The following VPS13C variants were observed in gnomAD, a reference collection of about 807,000 sequenced individuals.
VPS13C encodes intermembrane lipid transfer protein VPS13C.
In VPS13C, 358 loss-of-function variants were observed where a neutral mutation model predicts 456.8. The ratio of observed to expected loss-of-function variants is 0.78; its 90% CI spans 0.72 to 0.86. VPS13C has a LOEUF of 0.86. Ranked by LOEUF, VPS13C falls within the 40% of genes least tolerant of loss-of-function variation. The pLI, the probability that VPS13C is intolerant of heterozygous loss-of-function variation, is 0.00. For synonymous variants in VPS13C, 1,578 were observed against 1,486.7 expected (o/e 1.06, Z -1.41); for missense variants, 4,818 against 4,385.4 (o/e 1.10, Z -2.79).
At chr15:61,900,785 A>T (rs964304148) in intron 66 of VPS13C, among the ~76,000 whole-genome samples, 2 of 151,868 alleles carry the variant, frequency 1.3e-5, no homozygotes, top group African/African-American at 4.8e-5. Flanking sequence ...GAACCAAAAA[A>T]GAGCCCGCAT....
chr15:61,855,043 C>CT (rs1407962444), intron 83 of VPS13C, 89 bp from the exon 84 acceptor site: 2 of 1,047,840 alleles, frequency 1.9e-6, no homozygotes, highest in Non-Finnish European at 1.4e-6. Context: ...AATGTCAACT[C>CT]TATCTTATAA....
intron 82 of VPS13C, 30 bp from the exon 83 acceptor site, chr15:61,856,439 A>C (rs964190532): frequency 6.2e-7 from 1 of 1,609,636 alleles, no homozygotes; most frequent in African/African-American, 1.3e-5. Flanking sequence ...AAAAACTTAC[A>C]GTAAATGATG....
At position 61,854,184 on chromosome 15, in the gene VPS13C, T is replaced by G. The variant is rs567676664; in HGVS notation, c.*273A>C. On this transcript the variant is annotated 3_prime_UTR_variant, in exon 85 of 85. Transcript: ENST00000644861. ...CTTTGCTTCACAATTTTAATATTAATGAAAATTTCATTCTGAGTTTGAAGT... is the reference window on the plus strand; with the variant it reads ...CTTTGCTTCACAATTTTAATATTAAGGAAAATTTCATTCTGAGTTTGAAGT... 1 of 463,194 alleles carries G rather than the reference T, an allele frequency of 2.2e-6. No homozygotes were observed. The highest frequency in any genetic ancestry group is 1.9e-5 in the African/African-American group (1 of 52,210). The allele number at this position is 463,194 out of a possible 1,614,324, so 28.7% of individuals were successfully genotyped here.
At chr15:61,894,274 C>T (rs2042737412) in intron 66 of VPS13C, among the ~76,000 whole-genome samples, 1 of 151,798 alleles carries the variant, frequency 6.6e-6, no homozygotes, top group East Asian at 1.9e-4. Flanking sequence ...CACCACTGCA[C>T]TCCAGCCAGG....
intron 66 of VPS13C, among the ~76,000 whole-genome samples, chr15:61,901,179 C>T (rs2042984451): frequency 6.6e-6 from 1 of 151,758 alleles, no homozygotes; most frequent in Non-Finnish European, 1.5e-5. Context: ...CTAGACATTA[C>T]CATTCAGGAC....
chr15:61,890,491 T>A, intron 66 of VPS13C, 91 bp from the exon 67 acceptor site: 1 of 1,104,366 alleles, frequency 9.1e-7, no homozygotes, highest in Non-Finnish European at 1.3e-6. Flanking sequence ...TAGAAAAGTT[T>A]AAGAAGCACT....
At chr15:62,012,557 T>C (rs915091362) in intron 11 of VPS13C, among the ~76,000 whole-genome samples, 2 of 151,964 alleles carry the variant, frequency 1.3e-5, no homozygotes, top group Admixed American at 1.3e-4. Context: ...ATTGAATTGT[T>C]CTTTCTTTAA....
At position 62,033,545 on chromosome 15, in the gene VPS13C, A is replaced by G. The variant is rs766007457; in HGVS notation, c.284-3T>C. The G allele has an allele frequency of 6.4e-7, 1 of 1,554,664 alleles. No individual in the cohort carries two copies. The highest frequency in any genetic ancestry group is 1.8e-5 in the Admixed American group (1 of 54,156). ...TTTTACAGCATCATACTTAATACCT[A>G]AAAATATACAGTCAATTCACACAAA... On this transcript the variant is annotated splice_polypyrimidine_tract_variant and splice_region_variant and intron_variant, in intron 4 of 84. Coordinates refer to ENST00000644861, the MANE Select transcript of VPS13C (RefSeq NM_020821.3).
At position 61,927,169 on chromosome 15, in the gene VPS13C, C is replaced by G. The variant is rs1407134068; in HGVS notation, c.6438G>C (p.Met2146Ile). ...LSLSTSKLEQ[M>I]MEASVRDLKV... is the part of the protein sequence containing the mutation. ...TCAGATCTCTCACAGAAGCTTCCAT[C>G]ATCTGTTCGAGTTTGGATGTTGACA... The change falls in exon 52 of 85, where the codon ATG (methionine) becomes ATC (isoleucine). Residue 2146 changes from methionine to isoleucine, a missense_variant. Met to Ile is a conservative substitution (Grantham distance 10). Transcript: ENST00000644861. 6.2e-7 allele frequency: 1 copy of G among 1,614,188 alleles called. No individual in the cohort carries two copies. The highest frequency in any genetic ancestry group is 1.1e-5 in the South Asian group (1 of 91,080).
chr15:61,928,800 G>A (rs1265711411), intron 51 of VPS13C, among the ~76,000 whole-genome samples: 1 of 151,462 alleles, frequency 6.6e-6, no homozygotes, highest in African/African-American at 2.4e-5. Context: ...AACTGCTTGA[G>A]CCCACCTCAG....
chr15:61,991,235 T>C (rs948914829), intron 17 of VPS13C, 141 bp from the exon 18 acceptor site: 25 of 630,978 alleles, frequency 4.0e-5, no homozygotes, highest in Non-Finnish European at 5.9e-5. Flanking sequence ...TCCTCTAATA[T>C]ACTACAACTT....
chr15:61,951,726 T>C (rs2044800941), intron 39 of VPS13C, 98 bp downstream of exon 39: 13 of 1,301,416 alleles, frequency 1.0e-5, no homozygotes, highest in Non-Finnish European at 1.3e-5. Flanking sequence ...ACTAGGAAAT[T>C]AACACAATTG....
chr15:62,005,686 T>G (rs992365808), intron 15 of VPS13C, among the ~76,000 whole-genome samples: 1 of 151,878 alleles, frequency 6.6e-6, no homozygotes, highest in Non-Finnish European at 1.5e-5. Context: ...TAGTGCTTAT[T>G]TTTTTTATTT....
At chr15:61,883,774 T>C (rs1265708683) in intron 68 of VPS13C, among the ~76,000 whole-genome samples, 1 of 152,102 alleles carries the variant, frequency 6.6e-6, no homozygotes, top group African/African-American at 2.4e-5. Flanking sequence ...ATTCAAAATA[T>C]AACAAAAATT....
rs2140132175 is a variant in VPS13C at position 61,906,328 on chromosome 15, AT to A, written c.9105+935del. On this transcript the variant is annotated intron_variant, in intron 66 of 84. Transcript: ENST00000644861. ...AATCACCCTCTCTTCCTACTGCCTCATTCTCTAACACCAAATAGAAGAGAAA... is the reference window on the plus strand; with the variant it reads ...AATCACCCTCTCTTCCTACTGCCTCATCTCTAACACCAAATAGAAGAGAAA... Among the ~76,000 whole-genome samples, 3 of 152,300 alleles carry A rather than the reference AT, an allele frequency of 2.0e-5. No individual in the cohort carries two copies. In the South Asian group the frequency reaches 6.2e-4, roughly 32 times the overall value.
chr15:62,046,477 G>C (rs2048406899), intron 1 of VPS13C, among the ~76,000 whole-genome samples: 2 of 152,132 alleles, frequency 1.3e-5, no homozygotes, highest in Non-Finnish European at 1.5e-5. Flanking sequence ...AATTACAATT[G>C]GGAAGTCTAT....
intron 66 of VPS13C, among the ~76,000 whole-genome samples, chr15:61,895,350 A>T (rs1190285664): frequency 1.3e-5 from 2 of 152,150 alleles, no homozygotes; most frequent in African/African-American, 2.4e-5. Flanking sequence ...GAAGGAAAAA[A>T]TAATAAAGAT....
At chr15:61,914,527 C>G (rs1272976205) in intron 61 of VPS13C, among the ~76,000 whole-genome samples, 1 of 151,774 alleles carries the variant, frequency 6.6e-6, no homozygotes, top group Non-Finnish European at 1.5e-5. Flanking sequence ...CAAGACCACA[C>G]CACTGCACTC....
At chr15:62,041,940 T>C (rs2048256521) in intron 2 of VPS13C, among the ~76,000 whole-genome samples, 1 of 152,156 alleles carries the variant, frequency 6.6e-6, no homozygotes, top group African/African-American at 2.4e-5. Context: ...TTACTTGTTT[T>C]AAGTAAACCA....
Sources: allele counts gnomAD v4.1 joint callset (sites outside exome capture counted in the v4.1 genomes callset), GRCh38; gene constraint gnomAD v4.1.1; transcripts MANE v1.5; gene names NCBI Gene and HGNC (gene_info 2026-07-23, HGNC 2026-07-21).